Variants in LCE2B observed in about 807,000 individuals in gnomAD.
LCE2B encodes late cornified envelope 2B.
For missense variants in LCE2B, 175 were observed against 141.6 expected (o/e 1.24, Z -1.20); for synonymous variants, 69 against 52.0 (o/e 1.33, Z -1.40).
In LCE2B at chr1:152,687,095, C is replaced by T. The variant is rs758982359; in HGVS notation, c.252C>T (p.Arg84=). 17 of 1,613,590 alleles carry T rather than the reference C, an allele frequency of 1.1e-5. No individual in the cohort carries two copies. The highest frequency in any genetic ancestry group is 1.4e-5 in the Non-Finnish European group (17 of 1,179,968). ...ACAGGCCCCGTCTCTTCCACCGGCG[C>T]CGGCACCAGAGCCCCGACTGCTGTG... ...SHHRPRLFHR[R]RHQSPDCCES... The change falls in exon 2 of 2, where the codon CGC becomes CGT. Residue 84 remains arginine, a synonymous_variant. Transcript: ENST00000368780.
chr1:152,687,060 C>T lies in LCE2B; in HGVS notation c.217C>T (p.Leu73=), dbSNP rs768951534. Residue 73 remains leucine, a synonymous_variant, in exon 2 of 2, where the codon CTG becomes TTG. Coordinates refer to ENST00000368780, the MANE Select transcript of LCE2B (RefSeq NM_014357.5). Reference sequence around the variant, plus strand: ...CAACTCTGGGGCTGGTGGCTGCTGCCTGAGCCACCACAGGCCCCGTCTCTT... The same window carrying T: ...CAACTCTGGGGCTGGTGGCTGCTGCTTGAGCCACCACAGGCCCCGTCTCTT... ...CCNSGAGGCC[L]SHHRPRLFHR... is the part of the protein sequence containing the mutation. The T allele has an allele frequency of 3.7e-6, 6 of 1,613,100 alleles. No individual in the cohort carries two copies. The East Asian group carries it at 8.9e-5, about 24-fold the overall frequency.
chr1:152,686,248 G>A (rs1339093340), intron 1 of LCE2B, 92 bp downstream of exon 1: 1 of 153,674 alleles, frequency 6.5e-6, no homozygotes, highest in Non-Finnish European at 1.4e-5. Flanking sequence ...GTGTGCTTGT[G>A]TTCTGCCATA....
Position 152,686,865 on chromosome 1 carries a change from C to A in LCE2B, c.22C>A (p.Gln8Lys), listed in dbSNP as rs1649150431. 4 of 1,614,044 alleles carry A rather than the reference C, an allele frequency of 2.5e-6. No individual in the cohort carries two copies. Among genetic ancestry groups the A allele is most frequent in the African/African-American group, 2.7e-5 (2 of 74,934 alleles). ...CAGGATGTCTTGCCAGCAAAACCAG[C>A]AGCAGTGCCAGCCCCCTCCCAAGTG... is the stretch of plus-strand genomic sequence containing the variant. MSCQQNQ[Q>K]QCQPPPKCPP... The change falls in exon 2 of 2, where the codon CAG becomes AAG. Residue 8 changes from glutamine to lysine, a missense_variant. Transcript: ENST00000368780.
In LCE2B at chr1:152,687,133, C is replaced by T; in HGVS notation, c.290C>T (p.Ser97Phe). The T allele has an allele frequency of 1.9e-6, 3 of 1,613,822 alleles. No homozygotes were observed. The highest frequency in any genetic ancestry group is 2.5e-6 in the Non-Finnish European group (3 of 1,179,910). The change falls in exon 2 of 2, where the codon TCT (serine) becomes TTT (phenylalanine). Residue 97 changes from serine to phenylalanine, a missense_variant. Physicochemically the swap from Ser to Phe is radical, Grantham distance 155. Transcript: ENST00000368780. Reference sequence around the variant, plus strand: ...CCCGACTGCTGTGAGAGTGAACCTTCTGGGGGCTCTGGCTGCTGCCACAGC... The same window carrying T: ...CCCGACTGCTGTGAGAGTGAACCTTTTGGGGGCTCTGGCTGCTGCCACAGC... ...QSPDCCESEP[S>F]GGSGCCHSSG... is the part of the protein sequence containing the mutation.
Position 152,687,078 on chromosome 1 carries a change from C to A in LCE2B, c.235C>A (p.Arg79Ser), listed in dbSNP as rs759523297. The change falls in exon 2 of 2, where the codon CGT becomes AGT. Residue 79 changes from arginine (R) to serine (S), a missense_variant. Transcript: ENST00000368780. ...GGCCLSHHRP[R>S]LFHRRRHQSP... ...CTGCTGCCTGAGCCACCACAGGCCC[C>A]GTCTCTTCCACCGGCGCCGGCACCA... 2.5e-6 allele frequency: 4 copies of A among 1,613,668 alleles called. No individual in the cohort carries two copies. The highest frequency in any genetic ancestry group is 2.2e-5 in the South Asian group (2 of 91,054).
At chr1:152,686,376 C>T (rs1649132020) in intron 1 of LCE2B, among the ~76,000 whole-genome samples, 1 of 152,190 alleles carries the variant, frequency 6.6e-6, no homozygotes, top group Non-Finnish European at 1.5e-5. Flanking sequence ...TGTTCAGTGA[C>T]TTCATGTTGG....
intron 1 of LCE2B, 110 bp downstream of exon 1, chr1:152,686,266 G>GGAATGGGACT (rs1649128130): frequency 6.5e-6 from 1 of 154,654 alleles, no homozygotes; most frequent in Non-Finnish European, 1.4e-5. Flanking sequence ...ATACTGAGGA[G>GGAATGGGACT]GAATGGGACT....
chr1:152,686,343 T>C (rs1413453606), intron 1 of LCE2B, among the ~76,000 whole-genome samples, 187 bp downstream of exon 1: 1 of 152,186 alleles, frequency 6.6e-6, no homozygotes, highest in Non-Finnish European at 1.5e-5. Flanking sequence ...GAAAGCTAAC[T>C]GTGCACATCT....
In LCE2B at chr1:152,687,343, G is replaced by A. The variant is rs1184788357; in HGVS notation, c.*167G>A. 9 of 948,680 alleles carry A rather than the reference G, an allele frequency of 9.5e-6. No homozygotes were observed. The African/African-American group carries it at 1.2e-4, about 12-fold the overall frequency. 58.8% of individuals were successfully genotyped at this position (948,680 alleles called of 1,614,324 possible). A position where few individuals can be genotyped will look rare whatever the true frequency, so the allele number is the denominator to read the frequency against. ...CACTTGATGGAGCACCTCAATTGCA[G>A]GTTTTGTTTTCCTCCTTTACCTCAT... is the stretch of plus-strand genomic sequence containing the variant. On this transcript the variant is annotated 3_prime_UTR_variant, in exon 2 of 2. Coordinates refer to ENST00000368780, the MANE Select transcript of LCE2B (RefSeq NM_014357.5).
rs1225853476 is a variant in LCE2B, at chr1:152,686,906, C to G, written c.63C>G (p.Thr21=). 6.2e-7 allele frequency: 1 copy of G among 1,613,970 alleles called. No individual in the cohort carries two copies. The highest frequency in any genetic ancestry group is 8.5e-7 in the Non-Finnish European group (1 of 1,180,018). ...CTCCCAAGTGTCCTCCCAAGTGTAC[C>G]CCAAAATGTCCACCTAAGTGTCCCC... ...QPPPKCPPKC[T]PKCPPKCPPK... Residue 21 remains threonine, a synonymous_variant, in exon 2 of 2, where the codon ACC becomes ACG. Coordinates refer to ENST00000368780, the MANE Select transcript of LCE2B (RefSeq NM_014357.5).
At chr1:152,686,313 C>T (rs938266070) in intron 1 of LCE2B, among the ~76,000 whole-genome samples, 157 bp downstream of exon 1, 1 of 152,002 alleles carries the variant, frequency 6.6e-6, no homozygotes, top group Admixed American at 6.6e-5. Flanking sequence ...GTGAGGCCTA[C>T]CGGAGGTCGT....
intron 1 of LCE2B, 61 bp from the exon 2 acceptor site, chr1:152,686,763 G>C: frequency 1.3e-6 from 2 of 1,539,892 alleles, no homozygotes; most frequent in South Asian, 1.3e-5. Context: ...ATTGATTTTA[G>C]AAGAGGTATA....
At chr1:152,686,644 G>T (rs759964905) in intron 1 of LCE2B, among the ~76,000 whole-genome samples, 180 bp from the exon 2 acceptor site, 22 of 151,918 alleles carry the variant, frequency 1.4e-4, no homozygotes, top group Non-Finnish European at 2.2e-4. Context: ...AGCTCATTCG[G>T]TTGGTTTTTT....
At chr1:152,687,395 TCA>T (rs1649175813) in exon 2 of LCE2B, 1 of 652,930 alleles carries the variant, frequency 1.5e-6, no homozygotes, top group Non-Finnish European at 2.5e-6. Flanking sequence ...GATTTCTGAC[TCA>T]CAAATTGTCT....
chr1:152,686,921 T>G lies in LCE2B; in HGVS notation c.78T>G (p.Pro26=). 3.7e-6 allele frequency: 6 copies of G among 1,614,132 alleles called. No individual in the cohort carries two copies. Among genetic ancestry groups the G allele is most frequent in the Non-Finnish European group, 5.1e-6 (6 of 1,180,008 alleles). ...CCAAGTGTACCCCAAAATGTCCACC[T>G]AAGTGTCCCCCTAAATGCCTGCCCC... ...CPPKCTPKCP[P]KCPPKCLPQC... The change falls in exon 2 of 2, where the codon CCT becomes CCG. Residue 26 remains proline, a synonymous_variant. Transcript: ENST00000368780.
chr1:152,686,955 G>T lies in LCE2B; in HGVS notation c.112G>T (p.Ala38Ser). ...CCCTAAATGCCTGCCCCAGTGCCCA[G>T]CTCCATGTTCCCCTGCAGTCTCTTC... ...CPPKCLPQCP[A>S]PCSPAVSSCC... The change falls in exon 2 of 2, where the codon GCT becomes TCT. Residue 38 changes from alanine (A) to serine (S), a missense_variant. Coordinates refer to ENST00000368780, the MANE Select transcript of LCE2B (RefSeq NM_014357.5). 6.2e-7 allele frequency: 1 copy of T among 1,613,298 alleles called. No homozygotes were observed. The highest frequency in any genetic ancestry group is 8.5e-7 in the Non-Finnish European group (1 of 1,180,004).
Position 152,687,329 on chromosome 1 carries a change from G to T in LCE2B, c.*153G>T. ...CTGGGAGAACTTTGCACTTGATGGA[G>T]CACCTCAATTGCAGGTTTTGTTTTC... On this transcript the variant is annotated 3_prime_UTR_variant, in exon 2 of 2. Coordinates refer to ENST00000368780, the MANE Select transcript of LCE2B (RefSeq NM_014357.5). 1 of 1,067,830 alleles carries T rather than the reference G, an allele frequency of 9.4e-7. No homozygotes were observed. Among genetic ancestry groups the T allele is most frequent in the Non-Finnish European group, 1.3e-6 (1 of 755,362 alleles). 66.1% of individuals were successfully genotyped at this position (1,067,830 alleles called of 1,614,324 possible).
At chr1:152,686,769 G>A in intron 1 of LCE2B, 55 bp from the exon 2 acceptor site, 4 of 1,566,898 alleles carry the variant, frequency 2.6e-6, no homozygotes, top group Middle Eastern at 1.7e-4. Context: ...TTTAGAAGAG[G>A]TATAATATGA....
At position 152,687,323 on chromosome 1, in the gene LCE2B, G is replaced by A. The variant is rs112575594; in HGVS notation, c.*147G>A. 6.0e-3 allele frequency: 6,985 copies of A among 1,157,678 alleles called. 124 individuals are homozygous for A. Among genetic ancestry groups the A allele is most frequent in the African/African-American group, 0.052 (3,303 of 63,868 alleles). 71.7% of individuals were successfully genotyped at this position (1,157,678 alleles called of 1,614,324 possible). ...GCTTCCCTGGGAGAACTTTGCACTT[G>A]ATGGAGCACCTCAATTGCAGGTTTT... On this transcript the variant is annotated 3_prime_UTR_variant, in exon 2 of 2. Transcript: ENST00000368780.
Sources: allele counts gnomAD v4.1 joint callset (sites outside exome capture counted in the v4.1 genomes callset), GRCh38; gene constraint gnomAD v4.1.1; transcripts MANE v1.5; gene names NCBI Gene and HGNC (gene_info 2026-07-23, HGNC 2026-07-21).